The following SF3A3 variants were observed in gnomAD, a reference collection of about 807,000 sequenced individuals.
SF3A3 encodes the protein SAP 61.
A neutral mutation model predicts 85.8 loss-of-function variants in SF3A3; 9 were observed. The observed-to-expected ratio is 0.10, with a 90% CI of 0.06 to 0.18. The LOEUF (loss-of-function observed/expected upper bound fraction) is 0.18, where lower values mean the gene tolerates loss of function less well. Ranked by LOEUF, SF3A3 falls within the 10% of genes least tolerant of loss-of-function variation. The probability of loss-of-function intolerance (pLI) is 1.00; values close to 1 mark genes in which losing one functional copy is unlikely to be tolerated. For synonymous variants in SF3A3, 195 were observed against 204.4 expected (o/e 0.95, Z 0.39); for missense variants, 306 against 593.3 (o/e 0.52, Z 5.03).
chr1:37,976,925 A>G lies in SF3A3; in HGVS notation c.964T>C (p.Phe322Leu), dbSNP rs969670969. 6.2e-7 allele frequency: 1 copy of G among 1,610,128 alleles called. No homozygotes were observed. The highest frequency in any genetic ancestry group is 8.5e-7 in the Non-Finnish European group (1 of 1,176,552). Reference sequence around the variant, plus strand: ...TATTCATAGATCTGGGCTTCTAGAAAAGCAATGTCTTTGTTCCTTTCAGTG... The same window carrying G: ...TATTCATAGATCTGGGCTTCTAGAAGAGCAATGTCTTTGTTCCTTTCAGTG... ...RDTERNKDIA[F>L]LEAQIYEYVE... The change falls in exon 12 of 17, where the codon TTT (phenylalanine) becomes CTT (leucine). Residue 322 changes from phenylalanine (F) to leucine (L), a missense_variant. Transcript: ENST00000373019.
intron 11 of SF3A3, among the ~76,000 whole-genome samples, chr1:37,978,336 CAAAAAAA>C (rs370121360): frequency 2.7e-5 from 2 of 75,054 alleles, no homozygotes. Flanking sequence ...GAGACTGTCT[CAAAAAAA>C]AAAAAAAAGA....
At chr1:37,974,840 A>G (rs1186643860) in intron 12 of SF3A3, among the ~76,000 whole-genome samples, 1 of 152,130 alleles carries the variant, frequency 6.6e-6, no homozygotes, top group African/African-American at 2.4e-5. Context: ...CACACACTGC[A>G]TTTCTCATTT....
chr1:37,980,936 G>C, intron 7 of SF3A3: 1 of 296,020 alleles, frequency 3.4e-6, no homozygotes, highest in African/African-American at 2.6e-5. Context: ...CACAACCTCC[G>C]CCTCCCGGGT....
chr1:37,984,792 G>A lies in SF3A3; in HGVS notation c.304-13C>T, dbSNP rs1235356112. On this transcript the variant is annotated splice_polypyrimidine_tract_variant and intron_variant, in intron 4 of 16. Coordinates refer to ENST00000373019, the MANE Select transcript of SF3A3 (RefSeq NM_006802.4). ...TTGGCACACAGATCTGAGGGGAAAA[G>A]TAAAAGCTCAGGTGGATTTTTCTTT... 2 of 1,610,032 alleles carry A rather than the reference G, an allele frequency of 1.2e-6. No individual in the cohort carries two copies. Among genetic ancestry groups the A allele is most frequent in the South Asian group, 2.2e-5 (2 of 90,996 alleles).
At chr1:37,959,018 T>C (rs1394845564) in intron 16 of SF3A3, among the ~76,000 whole-genome samples, 1 of 152,140 alleles carries the variant, frequency 6.6e-6, no homozygotes, top group Non-Finnish European at 1.5e-5. Flanking sequence ...CATTTTAGTC[T>C]ATAAATCTCC....
intron 14 of SF3A3, among the ~76,000 whole-genome samples, chr1:37,968,760 G>C (rs1458185369): frequency 6.6e-6 from 1 of 152,110 alleles, no homozygotes. Flanking sequence ...ACTCAGAGAG[G>C]GGGAGAGGAG....
At chr1:37,959,618 A>G (rs1429400939) in intron 16 of SF3A3, among the ~76,000 whole-genome samples, 1 of 151,890 alleles carries the variant, frequency 6.6e-6, no homozygotes, top group African/African-American at 2.4e-5. Context: ...TTGCTCTGTC[A>G]CCCAGGCTGG....
rs776650449 is a variant in SF3A3, at chr1:37,969,415, T to G, written c.1220A>C (p.Asn407Thr). 1 of 1,612,868 alleles carries G rather than the reference T, an allele frequency of 6.2e-7. No individual in the cohort carries two copies. The highest frequency in any genetic ancestry group is 8.5e-7 in the Non-Finnish European group (1 of 1,179,978). ...YKLHGLNINY[N>T]CEICGNYTYR... ...GGTGTAGTTTCCACAAATCTCACAG[T>G]TGTAGTTGATATTTAGGCCATGAAG... The change falls in exon 14 of 17, where the codon AAC becomes ACC. Residue 407 changes from asparagine (N) to threonine (T), a missense_variant. Coordinates refer to ENST00000373019, the MANE Select transcript of SF3A3 (RefSeq NM_006802.4).
Position 37,968,116 on chromosome 1 carries a change from C to A in SF3A3, c.1300G>T (p.Gly434Cys), listed in dbSNP as rs757710933. The part of the protein sequence containing the change: ...RHFAEWRHAH[G>C]MRCLGIPNTA... ...TTTGGGATGCCCAAACACCTCATGC[C>A]ATGAGCATGACGCCATTCCTGGGAG... The change falls in exon 15 of 17, where the codon GGC becomes TGC. Residue 434 changes from glycine (G) to cysteine (C), a missense_variant. Coordinates refer to ENST00000373019, the MANE Select transcript of SF3A3 (RefSeq NM_006802.4). 6.2e-7 allele frequency: 1 copy of A among 1,610,684 alleles called. No homozygotes were observed.
At chr1:37,963,461 A>G (rs935460837) in intron 15 of SF3A3, among the ~76,000 whole-genome samples, 18 of 152,214 alleles carry the variant, frequency 1.2e-4, no homozygotes, top group Non-Finnish European at 2.5e-4. Context: ...AACAGTGGCA[A>G]TAACAACATT....
intron 6 of SF3A3, among the ~76,000 whole-genome samples, chr1:37,983,826 A>G (rs1646437338): frequency 6.6e-6 from 1 of 151,530 alleles, no homozygotes; most frequent in Non-Finnish European, 1.5e-5. Context: ...GTAGCCTCAA[A>G]TACTCAGAAG....
Position 37,987,764 on chromosome 1 carries a change from T to G in SF3A3, c.197+20A>C. ...TCCTCAGAAGCACTAACTCCTGGAT[T>G]AGCTGTGACTGTCACTTACCCATCC... On this transcript the variant is annotated intron_variant, in intron 3 of 16. Coordinates refer to ENST00000373019, the MANE Select transcript of SF3A3 (RefSeq NM_006802.4). 2 of 1,610,140 alleles carry G rather than the reference T, an allele frequency of 1.2e-6. No homozygotes were observed. The highest frequency in any genetic ancestry group is 1.7e-6 in the Non-Finnish European group (2 of 1,176,380).
intron 2 of SF3A3, among the ~76,000 whole-genome samples, chr1:37,988,324 C>T (rs1646469626): frequency 6.6e-6 from 1 of 152,124 alleles, no homozygotes; most frequent in Non-Finnish European, 1.5e-5. Flanking sequence ...GTCCCTCCTC[C>T]AAAACTTTTG....
intron 12 of SF3A3, among the ~76,000 whole-genome samples, chr1:37,973,928 G>C (rs1473032615): frequency 6.6e-6 from 1 of 152,190 alleles, no homozygotes; most frequent in Non-Finnish European, 1.5e-5. Context: ...CGTGTCCTTT[G>C]TAGGGACATG....
At chr1:37,986,723 A>C (rs1646459702) in intron 4 of SF3A3, among the ~76,000 whole-genome samples, 1 of 142,734 alleles carries the variant, frequency 7.0e-6, no homozygotes, top group South Asian at 2.3e-4. Flanking sequence ...GAGGAAGGAG[A>C]ATGGCATGAA....
At chr1:37,974,304 T>G (rs1252186174) in intron 12 of SF3A3, among the ~76,000 whole-genome samples, 24 of 75,972 alleles carry the variant, frequency 3.2e-4, no homozygotes, top group African/African-American at 8.5e-4. Context: ...CCACTTTTTT[T>G]TTTTTTTTTT....
intron 16 of SF3A3, among the ~76,000 whole-genome samples, chr1:37,959,125 C>G (rs1473936116): frequency 1.3e-5 from 2 of 150,068 alleles, no homozygotes; most frequent in African/African-American, 4.9e-5. Flanking sequence ...GTCACCCAGG[C>G]TGGAGTGCAA....
At chr1:37,975,798 C>CTA (rs1416660411) in intron 12 of SF3A3, among the ~76,000 whole-genome samples, 1 of 152,182 alleles carries the variant, frequency 6.6e-6, no homozygotes, top group African/African-American at 2.4e-5. Flanking sequence ...TGTGAACAAG[C>CTA]TATCTGATCC....
intron 12 of SF3A3, among the ~76,000 whole-genome samples, chr1:37,970,396 A>G (rs1257223895): frequency 6.6e-6 from 1 of 152,076 alleles, no homozygotes; most frequent in African/African-American, 2.4e-5. Flanking sequence ...TTAGACTCCC[A>G]CACAATAATA....
Sources: allele counts gnomAD v4.1 joint callset (sites outside exome capture counted in the v4.1 genomes callset), GRCh38; gene constraint gnomAD v4.1.1; transcripts MANE v1.5; gene names NCBI Gene and HGNC (gene_info 2026-07-23, HGNC 2026-07-21).